Variants in AKT3 observed in about 807,000 individuals in gnomAD.
The protein encoded by AKT3 is AKT serine/threonine kinase 3, also known as RAC-gamma serine/threonine-protein kinase.
Under a neutral mutation model 65.3 loss-of-function variants are expected in AKT3, and 15 were observed. That is an observed-to-expected ratio of 0.23 (90% CI 0.15 to 0.35). AKT3 has a LOEUF of 0.35. Ranked by LOEUF, AKT3 falls within the 10% of genes least tolerant of loss-of-function variation. The pLI is 1.00. For synonymous variants in AKT3, 206 were observed against 183.8 expected, an observed-to-expected ratio of 1.12 and a Z score of -0.98; for missense variants, 243 against 576.5, an observed-to-expected ratio of 0.42 and a Z score of 5.92.
rs554369815 is a variant in AKT3, at chr1:243,661,328, C to A, written c.284+3444G>T. Among the ~76,000 whole-genome samples, 448 of 152,250 alleles carry A rather than the reference C, an allele frequency of 2.9e-3. 5 individuals are homozygous for A. Among genetic ancestry groups the A allele is most frequent in the African/African-American group, 0.01 (418 of 41,538 alleles). ...AACTACACTACAAGGCTACAGTAAC[C>A]AAAACAGCATGGTACTGGTACCAAA... On this transcript the variant is annotated intron_variant, in intron 4 of 13. Transcript: ENST00000673466.
chr1:243,616,921 T>C (rs1445468440), intron 6 of AKT3, among the ~76,000 whole-genome samples: 2 of 152,192 alleles, frequency 1.3e-5, no homozygotes, highest in Non-Finnish European at 2.9e-5. Context: ...GCCAATGTCA[T>C]ATCGTACTAT....
chr1:243,623,548 G>C (rs1366814888), intron 6 of AKT3, among the ~76,000 whole-genome samples: 3 of 152,050 alleles, frequency 2.0e-5, no homozygotes, highest in African/African-American at 4.8e-5. Context: ...CAAAGAAAAG[G>C]CACTCTCCTG....
chr1:243,812,341 C>T (rs547874452), intron 2 of AKT3, among the ~76,000 whole-genome samples: 4 of 152,248 alleles, frequency 2.6e-5, no homozygotes, highest in African/African-American at 7.2e-5. Flanking sequence ...AAACAAACAA[C>T]CCCATCAACA....
At chr1:243,695,836 A>C (rs1484987663) in intron 2 of AKT3, 120 bp from the exon 3 acceptor site, 2 of 811,648 alleles carry the variant, frequency 2.5e-6, no homozygotes, top group African/African-American at 3.6e-5. Flanking sequence ...TTAGTTACTC[A>C]ATTTTCTTTT....
intron 2 of AKT3, among the ~76,000 whole-genome samples, chr1:243,699,508 T>C (rs964645539): frequency 2.0e-5 from 2 of 102,516 alleles, no homozygotes; most frequent in African/African-American, 7.5e-5. Context: ...TATATATATA[T>C]ATATAATCTT....
chr1:243,542,540 A>T (rs1055754942), intron 12 of AKT3, among the ~76,000 whole-genome samples: 9 of 152,228 alleles, frequency 5.9e-5, no homozygotes, highest in African/African-American at 2.2e-4. Context: ...ATGTGATAAT[A>T]AATTAAGAAT....
chr1:243,765,734 C>T (rs1689779520), intron 2 of AKT3, among the ~76,000 whole-genome samples: 1 of 152,030 alleles, frequency 6.6e-6, no homozygotes, highest in East Asian at 1.9e-4. Context: ...AATGGATAAT[C>T]TAAAAATAAT....
chr1:243,835,491 A>G (rs1350524423), intron 2 of AKT3, among the ~76,000 whole-genome samples: 1 of 152,214 alleles, frequency 6.6e-6, no homozygotes, highest in African/African-American at 2.4e-5. Context: ...TTAGAACAAT[A>G]CCTAAAAAAG....
intron 8 of AKT3, among the ~76,000 whole-genome samples, chr1:243,583,561 A>G (rs2148532297): frequency 6.7e-6 from 1 of 149,582 alleles, no homozygotes; most frequent in Middle Eastern, 3.5e-3. Flanking sequence ...AAAAAAGAAA[A>G]AAAAAAGAAA....
Position 243,492,562 on chromosome 1 carries a change from C to T in AKT3, c.*7-4112G>A, listed in dbSNP as rs184095465. Among the ~76,000 whole-genome samples the T allele has an allele frequency of 3.9e-3, 582 of 149,990 alleles. 16 individuals carry two copies. In the East Asian group the frequency reaches 0.056, roughly 15 times the overall value. ...CAAATGATCCGCCCACCTTAGCCTC[C>T]TAAAGTGCTGGGATTACAGGCGTGA... On this transcript the variant is annotated intron_variant, in intron 13 of 13. Coordinates refer to the AKT3 transcript ENST00000336199.
intron 2 of AKT3, among the ~76,000 whole-genome samples, chr1:243,714,229 G>A (rs930400519): frequency 7.2e-5 from 11 of 152,142 alleles, no homozygotes; most frequent in African/African-American, 2.7e-4. Context: ...TTGAATATCT[G>A]ATACTCAAGA....
At chr1:243,713,892 G>A (rs1686319690) in intron 2 of AKT3, among the ~76,000 whole-genome samples, 1 of 152,046 alleles carries the variant, frequency 6.6e-6, no homozygotes, top group Non-Finnish European at 1.5e-5. Context: ...TGAATTGAAG[G>A]GGGTTCATCT....
intron 2 of AKT3, among the ~76,000 whole-genome samples, chr1:243,765,290 G>A (rs1010697029): frequency 6.6e-6 from 1 of 151,866 alleles, no homozygotes; most frequent in Non-Finnish European, 1.5e-5. Flanking sequence ...AAGTGACTAA[G>A]AAGAGAATTT....
chr1:243,696,914 G>C (rs1365451107), intron 2 of AKT3, among the ~76,000 whole-genome samples: 2 of 151,784 alleles, frequency 1.3e-5, no homozygotes, highest in Non-Finnish European at 2.9e-5. Flanking sequence ...ACTCCTTACT[G>C]CTTACTGTAA....
intron 2 of AKT3, among the ~76,000 whole-genome samples, chr1:243,750,408 T>TACAC (rs56210876): frequency 0.038 from 5,603 of 149,356 alleles, 367 homozygotes; most frequent in African/African-American, 0.13. Context: ...CATGCACGTA[T>TACAC]ACACACACAC....
At chr1:243,683,388 A>G (rs1402424770) in intron 3 of AKT3, among the ~76,000 whole-genome samples, 1 of 152,170 alleles carries the variant, frequency 6.6e-6, no homozygotes, top group African/African-American at 2.4e-5. Flanking sequence ...TTCCTAAAAA[A>G]TATATTTAAA....
intron 4 of AKT3, among the ~76,000 whole-genome samples, chr1:243,646,568 T>A (rs893163093): frequency 1.3e-5 from 2 of 152,132 alleles, no homozygotes; most frequent in Non-Finnish European, 2.9e-5. Context: ...TTGGCCAGGC[T>A]GGTCTCGAAC....
At chr1:243,756,197 T>C (rs1183425433) in intron 2 of AKT3, among the ~76,000 whole-genome samples, 2 of 152,264 alleles carry the variant, frequency 1.3e-5, no homozygotes, top group African/African-American at 4.8e-5. Flanking sequence ...GAGTATGTCA[T>C]ACAATTATTT....
intron 8 of AKT3, among the ~76,000 whole-genome samples, chr1:243,577,654 C>T (rs1236505327): frequency 1.3e-5 from 2 of 152,070 alleles, no homozygotes. Flanking sequence ...ATGATGACAA[C>T]ATCAAAAGCA....
Sources: allele counts gnomAD v4.1 joint callset (sites outside exome capture counted in the v4.1 genomes callset), GRCh38; gene constraint gnomAD v4.1.1; transcripts MANE v1.5; gene names NCBI Gene and HGNC (gene_info 2026-07-23, HGNC 2026-07-21).